DYM: variants seen among roughly 807,000 people sequenced by gnomAD.
DYM encodes the protein dyggve-Melchior-Clausen syndrome protein.
In DYM, 78 loss-of-function variants were observed where a neutral mutation model predicts 93.1. That is an observed-to-expected ratio of 0.84 (90% CI 0.70 to 1.01). The LOEUF (loss-of-function observed/expected upper bound fraction) is 1.01. Ranked by LOEUF, DYM falls within the 50% of genes least tolerant of loss-of-function variation. DYM has a pLI of 0.00. For missense variants in DYM, 789 were observed against 845.0 expected, an observed-to-expected ratio of 0.93 and a Z score of 0.82; for synonymous variants, 321 against 319.7, an observed-to-expected ratio of 1.00 and a Z score of -0.04.
intron 16 of DYM, among the ~76,000 whole-genome samples, chr18:49,104,002 C>A (rs112040726): frequency 0.025 from 3,818 of 152,220 alleles, 57 homozygotes; most frequent in South Asian, 0.065. Flanking sequence ...TTACCTTGGG[C>A]AGTATGGCCA....
At chr18:49,265,517 G>A (rs1375754580) in intron 11 of DYM, among the ~76,000 whole-genome samples, 1 of 152,156 alleles carries the variant, frequency 6.6e-6, no homozygotes, top group Non-Finnish European at 1.5e-5. Context: ...AGTGGCTCAC[G>A]CCTGTAATCC....
intron 17 of DYM, among the ~76,000 whole-genome samples, chr18:49,079,549 C>G (rs1003953954): frequency 2.0e-5 from 3 of 151,838 alleles, no homozygotes; most frequent in Admixed American, 2.0e-4. Flanking sequence ...GAGGACCCTG[C>G]GGCCTTCCGC....
At chr18:49,247,686 C>T (rs752156560) in intron 13 of DYM, among the ~76,000 whole-genome samples, 5 of 152,114 alleles carry the variant, frequency 3.3e-5, no homozygotes, top group Non-Finnish European at 5.9e-5. Flanking sequence ...TTTGAATGTG[C>T]CAGCAGTCTA....
intron 8 of DYM, among the ~76,000 whole-genome samples, chr18:49,317,626 T>TA (rs1403865988): frequency 2.6e-3 from 67 of 25,442 alleles, no homozygotes; most frequent in Admixed American, 4.0e-3. Context: ...CCTCCCTCCC[T>TA]CCCTCTCCTA....
chr18:49,291,451 T>G (rs1374957591), intron 8 of DYM, among the ~76,000 whole-genome samples: 1 of 152,140 alleles, frequency 6.6e-6, no homozygotes, highest in East Asian at 1.9e-4. Context: ...ACTGAAATGG[T>G]TTTACTACTA....
At position 49,226,283 on chromosome 18, in the gene DYM, A is replaced by C. The variant is rs531060029; in HGVS notation, c.1461-16568T>G. On this transcript the variant is annotated intron_variant, in intron 13 of 17. Coordinates refer to ENST00000675505, the MANE Select transcript of DYM (RefSeq NM_001353214.3). Reference sequence around the variant, plus strand: ...CCATCTATATTTACAGGTGTAGATAAACAGATCAATTTATTACCAGCATTC... The same window carrying C: ...CCATCTATATTTACAGGTGTAGATACACAGATCAATTTATTACCAGCATTC... Among the ~76,000 whole-genome samples the C allele has an allele frequency of 2.0e-5, 3 of 151,946 alleles. No homozygotes were observed. The South Asian group carries it at 6.2e-4, about 32-fold the overall frequency.
chr18:49,328,309 G>A (rs942144147), intron 8 of DYM, among the ~76,000 whole-genome samples: 1 of 152,168 alleles, frequency 6.6e-6, no homozygotes, highest in Non-Finnish European at 1.5e-5. Context: ...CATCTAGCCA[G>A]GAGAGCAAAG....
intron 1 of DYM, among the ~76,000 whole-genome samples, chr18:49,451,699 A>C (rs868707507): frequency 1.3e-5 from 2 of 152,268 alleles, no homozygotes; most frequent in Non-Finnish European, 2.9e-5. Flanking sequence ...AACAAGGCCA[A>C]ATATAAGACT....
intron 13 of DYM, among the ~76,000 whole-genome samples, chr18:49,210,326 GAATA>G (rs2092720420): frequency 6.6e-6 from 1 of 152,068 alleles, no homozygotes; most frequent in African/African-American, 2.4e-5. Context: ...TTTAGTAGAT[GAATA>G]AATAAATAAA....
intron 2 of DYM, among the ~76,000 whole-genome samples, chr18:49,405,330 C>T (rs909727556): frequency 7.9e-5 from 12 of 152,288 alleles, no homozygotes; most frequent in African/African-American, 2.9e-4. Context: ...CAGCCAATGT[C>T]CAGAATGGTG....
At chr18:49,072,126 T>C (rs1459636173) in intron 17 of DYM, among the ~76,000 whole-genome samples, 1 of 152,246 alleles carries the variant, frequency 6.6e-6, no homozygotes, top group African/African-American at 2.4e-5. Flanking sequence ...TCCTTAAACA[T>C]ATGAACTAGA....
Position 49,043,605 on chromosome 18 carries a change from A to C in DYM, c.*450T>G, listed in dbSNP as rs556438596. The C allele has an allele frequency of 1.6e-4, 25 of 158,586 alleles. No homozygotes were observed. In the South Asian group the frequency reaches 3.9e-3, roughly 25 times the overall value. The allele number at this position is 158,586 out of a possible 1,614,324, so 9.8% of individuals were successfully genotyped here. A position where few individuals can be genotyped will look rare whatever the true frequency, so the allele number is the denominator to read the frequency against. ...CATTGATGCTCCTTAATGTCAAAGG[A>C]ATCTCTCTCTCTCACACACACATAA... On this transcript the variant is annotated 3_prime_UTR_variant, in exon 18 of 18. Transcript: ENST00000675505.
chr18:49,157,136 G>A (rs149660131), intron 15 of DYM, among the ~76,000 whole-genome samples: 219 of 152,200 alleles, frequency 1.4e-3, no homozygotes, highest in Non-Finnish European at 2.5e-3. Flanking sequence ...TCAGGTACAC[G>A]CTGTGATGTC....
At chr18:49,426,287 A>C (rs1466344467) in intron 2 of DYM, among the ~76,000 whole-genome samples, 1 of 151,610 alleles carries the variant, frequency 6.6e-6, no homozygotes, top group Non-Finnish European at 1.5e-5. Context: ...TGAGCAAACC[A>C]TCGCAAGGAC....
chr18:49,148,841 T>G (rs924877440), intron 15 of DYM, among the ~76,000 whole-genome samples: 1 of 152,176 alleles, frequency 6.6e-6, no homozygotes, highest in Non-Finnish European at 1.5e-5. Context: ...TTTATTAGAG[T>G]AGCACCAGGG....
At chr18:49,417,179 GT>G (rs1347291548) in intron 2 of DYM, among the ~76,000 whole-genome samples, 1 of 152,150 alleles carries the variant, frequency 6.6e-6, no homozygotes, top group African/African-American at 2.4e-5. Flanking sequence ...ACAGGGTCTT[GT>G]TCTGTTGCCC....
chr18:49,379,568 G>T, intron 4 of DYM, 97 bp downstream of exon 4: 4 of 1,089,810 alleles, frequency 3.7e-6, no homozygotes, highest in Non-Finnish European at 2.8e-6. Context: ...CCTTCACAGA[G>T]ATTTTCAAAA....
chr18:49,050,505 T>G (rs1413728374), intron 17 of DYM, among the ~76,000 whole-genome samples: 2 of 152,182 alleles, frequency 1.3e-5, no homozygotes, highest in African/African-American at 2.4e-5. Flanking sequence ...GTGACCTAGG[T>G]GTTTACCATC....
intron 6 of DYM, among the ~76,000 whole-genome samples, chr18:49,352,957 T>C (rs537237076): frequency 1.3e-5 from 2 of 152,256 alleles, no homozygotes; most frequent in South Asian, 2.1e-4. Context: ...CATATTGCTT[T>C]CTCTGTAAAT....
Sources: allele counts gnomAD v4.1 joint callset (sites outside exome capture counted in the v4.1 genomes callset), GRCh38; gene constraint gnomAD v4.1.1; transcripts MANE v1.5; gene names NCBI Gene and HGNC (gene_info 2026-07-23, HGNC 2026-07-21).